QSOX1: variants seen among roughly 807,000 people sequenced by gnomAD.
The protein encoded by QSOX1 is quiescin sulfhydryl oxidase 1, also known as sulfhydryl oxidase 1.
QSOX1 carries 40 observed loss-of-function variants against 76.1 expected under a neutral mutation model. The observed-to-expected ratio is 0.53, with a 90% CI of 0.41 to 0.68. The LOEUF (loss-of-function observed/expected upper bound fraction) is 0.68, where lower values mean the gene tolerates loss of function less well. Among genes scored for constraint, QSOX1 ranks in the 30% least tolerant of loss-of-function variants. The probability of loss-of-function intolerance (pLI) is 0.00; values close to 1 mark genes in which losing one functional copy is unlikely to be tolerated. For missense variants in QSOX1, 931 were observed against 974.3 expected (o/e 0.96, Z 0.59); for synonymous variants, 392 against 413.1 (o/e 0.95, Z 0.62).
chr1:180,164,306 G>A (rs1046538857), intron 1 of QSOX1, among the ~76,000 whole-genome samples: 1 of 152,124 alleles, frequency 6.6e-6, no homozygotes, highest in Non-Finnish European at 1.5e-5. Context: ...GTGGTGGGGG[G>A]GTGTTGAGGA....
intron 4 of QSOX1, among the ~76,000 whole-genome samples, chr1:180,177,353 A>C (rs1015355549): frequency 6.6e-6 from 1 of 151,554 alleles, no homozygotes; most frequent in African/African-American, 2.4e-5. Flanking sequence ...TCCTGGGTTC[A>C]AGCAATTCTG....
rs953691498 is a variant in QSOX1 at position 180,203,077 on chromosome 1, A to C, written c.*6040A>C. ...CAGAGCGAGACTCTGTCTCAAAAAA[A>C]TAAAAAAATAAAAATAAAAAAATAA... On this transcript the variant is annotated 3_prime_UTR_variant, in exon 12 of 12. Coordinates refer to ENST00000367602, the MANE Select transcript of QSOX1 (RefSeq NM_002826.5). 1 of 152,124 alleles carries C rather than the reference A, an allele frequency of 6.6e-6. No individual in the cohort carries two copies. Among genetic ancestry groups the C allele is most frequent in the Non-Finnish European group, 1.5e-5 (1 of 68,030 alleles). The allele number at this position is 152,124 out of a possible 1,614,324, so 9.4% of individuals were successfully genotyped here.
chr1:180,198,259 T>C lies in QSOX1; in HGVS notation c.*1222T>C. 1 of 456,526 alleles carries C rather than the reference T, an allele frequency of 2.2e-6. No homozygotes were observed. The highest frequency in any genetic ancestry group is 1.5e-5 in the South Asian group (1 of 64,566). 28.3% of individuals were successfully genotyped at this position (456,526 alleles called of 1,614,324 possible). A position where few individuals can be genotyped will look rare whatever the true frequency, so the allele number is the denominator to read the frequency against. On this transcript the variant is annotated 3_prime_UTR_variant, in exon 12 of 12. Coordinates refer to ENST00000367602, the MANE Select transcript of QSOX1 (RefSeq NM_002826.5). The stretch of plus-strand genomic sequence containing the variant: ...GCAGCCTTGCCACCCCCTGCCCCAA[T>C]CCTCCCTGAGAGCTCCTGCCTCAGT...
rs1474560098 is a variant in QSOX1, at chr1:180,197,472, G to T, written c.*435G>T. 8 of 1,383,324 alleles carry T rather than the reference G, an allele frequency of 5.8e-6. No individual in the cohort carries two copies. The East Asian group carries it at 6.9e-5, about 12-fold the overall frequency. The allele number at this position is 1,383,324 out of a possible 1,614,324, so 85.7% of individuals were successfully genotyped here. On this transcript the variant is annotated 3_prime_UTR_variant, in exon 12 of 12. Transcript: ENST00000367602. ...ATGGAACTCCTCACTAGCTGCTGGG[G>T]CTCCGCCCACCCTGCTCCCTTCCGG... is the stretch of plus-strand genomic sequence containing the variant.
In QSOX1 at chr1:180,182,648, T is replaced by C. The variant is rs903592948; in HGVS notation, c.752+329T>C. Among the ~76,000 whole-genome samples, 5 of 152,164 alleles carry C rather than the reference T, an allele frequency of 3.3e-5. No individual in the cohort carries two copies. The East Asian group carries it at 9.6e-4, about 29-fold the overall frequency. ...TTCGCAGGCAGACTCATTGGCAGGC[T>C]ACAGGCCTGGCAAGCACTCGTATAT... On this transcript the variant is annotated intron_variant, in intron 6 of 11. Coordinates refer to ENST00000367602, the MANE Select transcript of QSOX1 (RefSeq NM_002826.5).
chr1:180,167,236 C>A (rs1192189691), intron 2 of QSOX1, among the ~76,000 whole-genome samples: 1 of 152,234 alleles, frequency 6.6e-6, no homozygotes, highest in East Asian at 1.9e-4. Context: ...GGTGAGGGCC[C>A]TCCCCTGGGC....
chr1:180,198,842 C>T lies in QSOX1; in HGVS notation c.*1805C>T, dbSNP rs116310217. ...CTGGCCTGCAAGAGGAAGACAGAGGCTCCCAGGGCCGGTGCCCTGTGTGCC... is the reference window on the plus strand; with the variant it reads ...CTGGCCTGCAAGAGGAAGACAGAGGTTCCCAGGGCCGGTGCCCTGTGTGCC... On this transcript the variant is annotated 3_prime_UTR_variant, in exon 12 of 12. Coordinates refer to ENST00000367602, the MANE Select transcript of QSOX1 (RefSeq NM_002826.5). The T allele has an allele frequency of 5.5e-3, 1,079 of 196,628 alleles. 12 individuals carry two copies. Among genetic ancestry groups the T allele is most frequent in the African/African-American group, 0.024 (1,020 of 43,244 alleles). 12.2% of individuals were successfully genotyped at this position (196,628 alleles called of 1,614,324 possible). A position where few individuals can be genotyped will look rare whatever the true frequency, so the allele number is the denominator to read the frequency against.
At position 180,197,239 on chromosome 1, in the gene QSOX1, C is replaced by A. The variant is rs1663518495; in HGVS notation, c.*202C>A. 1.3e-6 allele frequency: 2 copies of A among 1,598,308 alleles called. No homozygotes were observed. Among genetic ancestry groups the A allele is most frequent in the South Asian group, 2.2e-5 (2 of 89,834 alleles). Reference sequence around the variant, plus strand: ...TGACACAAAAGACAGGAGCAGGGTCCAGGTTCCCCTGCTGTGCAGGGAGGG... The same window carrying A: ...TGACACAAAAGACAGGAGCAGGGTCAAGGTTCCCCTGCTGTGCAGGGAGGG... On this transcript the variant is annotated 3_prime_UTR_variant, in exon 12 of 12. Coordinates refer to ENST00000367602, the MANE Select transcript of QSOX1 (RefSeq NM_002826.5).
At chr1:180,182,808 G>T (rs1296113311) in intron 6 of QSOX1, among the ~76,000 whole-genome samples, 1 of 152,236 alleles carries the variant, frequency 6.6e-6, no homozygotes, top group African/African-American at 2.4e-5. Context: ...GCTGCTGAAT[G>T]GCCCGTTAAT....
At chr1:180,170,167 A>T (rs943008197) in intron 2 of QSOX1, among the ~76,000 whole-genome samples, 1 of 152,116 alleles carries the variant, frequency 6.6e-6, no homozygotes. Context: ...ACGCCCTGTG[A>T]GGGTACAGAG....
rs1402777124 is a variant in QSOX1, at chr1:180,186,076, T to C, written c.911T>C (p.Leu304Pro). The change falls in exon 8 of 12, where the codon CTG becomes CCG. Residue 304 changes from leucine (L) to proline (P), a missense_variant. Leu to Pro is a moderately conservative substitution (Grantham distance 98). Transcript: ENST00000367602. ...AGCTCCAAGATCTACATGGCTGACCTGGAATCTGCACTGCACTACATCCTG... is the reference window on the plus strand; with the variant it reads ...AGCTCCAAGATCTACATGGCTGACCCGGAATCTGCACTGCACTACATCCTG... ...ADRSKIYMAD[L>P]ESALHYILRI... is the part of the protein sequence containing the mutation. 1 of 1,614,162 alleles carries C rather than the reference T, an allele frequency of 6.2e-7. No homozygotes were observed. The highest frequency in any genetic ancestry group is 1.7e-5 in the Admixed American group (1 of 60,028).
chr1:180,188,445 C>T (rs889787097), intron 8 of QSOX1, among the ~76,000 whole-genome samples: 6 of 152,226 alleles, frequency 3.9e-5, no homozygotes, highest in South Asian at 2.1e-4. Context: ...CTGGCACTGT[C>T]GCCTTAGAAG....
chr1:180,156,870 C>T lies in QSOX1; in HGVS notation c.265+1698C>T, dbSNP rs567009433. Among the ~76,000 whole-genome samples, 83 of 152,294 alleles carry T rather than the reference C, an allele frequency of 5.4e-4. 1 individual carries two copies. Among genetic ancestry groups the T allele is most frequent in the Admixed American group, 1.7e-3 (26 of 15,304 alleles). ...ATGAACATCATAAAAATTCCCAGAT[C>T]GCTTTCCACTTTGAGGTTATAAGAG... On this transcript the variant is annotated intron_variant, in intron 1 of 11. Coordinates refer to ENST00000367602, the MANE Select transcript of QSOX1 (RefSeq NM_002826.5).
chr1:180,177,697 A>T (rs1233598384), intron 4 of QSOX1, among the ~76,000 whole-genome samples: 6 of 152,096 alleles, frequency 3.9e-5, no homozygotes, highest in Non-Finnish European at 4.4e-5. Context: ...CAGCCTAGGG[A>T]AGACCCAGGG....
chr1:180,175,385 T>C lies in QSOX1; in HGVS notation c.412+19T>C, dbSNP rs1347750569. The C allele has an allele frequency of 1.2e-6, 2 of 1,612,436 alleles. No homozygotes were observed. Among genetic ancestry groups the C allele is most frequent in the Non-Finnish European group, 1.7e-6 (2 of 1,178,952 alleles). ...TTTCCAGGTGGGTGCCCAGCTCTGGTTGTCCTGTTAGCATCTTCCTCCCCC... is the reference window on the plus strand; with the variant it reads ...TTTCCAGGTGGGTGCCCAGCTCTGGCTGTCCTGTTAGCATCTTCCTCCCCC... On this transcript the variant is annotated intron_variant, in intron 3 of 11. Coordinates refer to ENST00000367602, the MANE Select transcript of QSOX1 (RefSeq NM_002826.5).
rs145520857 is a variant in QSOX1, at chr1:180,162,850, A to G, written c.266-3641A>G. ...CCAGAATGATAATTAAAAGACTTCA[A>G]AATGAAAATATAGAATGTTACATTG... On this transcript the variant is annotated intron_variant, in intron 1 of 11. Transcript: ENST00000367602. Among the ~76,000 whole-genome samples, 343 of 152,354 alleles carry G rather than the reference A, an allele frequency of 2.3e-3. 1 individual carries two copies. In the South Asian group the frequency reaches 0.027, roughly 12 times the overall value.
chr1:180,185,575 C>T (rs754649759), intron 7 of QSOX1, among the ~76,000 whole-genome samples: 109 of 152,224 alleles, frequency 7.2e-4, no homozygotes, highest in Non-Finnish European at 1.5e-3. Flanking sequence ...GTCGCCATTT[C>T]CCAGACTTGG....
intron 1 of QSOX1, among the ~76,000 whole-genome samples, chr1:180,160,577 C>T (rs1662470409): frequency 6.6e-6 from 1 of 152,018 alleles, no homozygotes; most frequent in African/African-American, 2.4e-5. Flanking sequence ...GTGAAGTTAC[C>T]CACAGAAGCC....
intron 1 of QSOX1, among the ~76,000 whole-genome samples, chr1:180,162,530 G>T (rs1206956625): frequency 6.6e-6 from 1 of 152,142 alleles, no homozygotes; most frequent in African/African-American, 2.4e-5. Context: ...GAGCCTAGGG[G>T]TTCGAGACCA....
Sources: allele counts gnomAD v4.1 joint callset (sites outside exome capture counted in the v4.1 genomes callset), GRCh38; gene constraint gnomAD v4.1.1; transcripts MANE v1.5; gene names NCBI Gene and HGNC (gene_info 2026-07-23, HGNC 2026-07-21).